GRIN2A: variants seen among roughly 807,000 people sequenced by gnomAD.
GRIN2A encodes the protein glutamate ionotropic receptor NMDA type subunit 2A, also known as glutamate receptor ionotropic, NMDA 2A.
A neutral mutation model predicts 113.4 loss-of-function variants in GRIN2A; 22 were observed. The observed-to-expected ratio is 0.19, with a 90% CI of 0.14 to 0.28. The LOEUF (loss-of-function observed/expected upper bound fraction) is 0.28. GRIN2A is among the 10% of genes least tolerant of loss of function. The pLI is 1.00. For synonymous variants in GRIN2A, 827 were observed against 738.4 expected, an observed-to-expected ratio of 1.12 and a Z score of -1.94; for missense variants, 1,502 against 1,887.0, an observed-to-expected ratio of 0.80 and a Z score of 3.78.
chr16:9,840,461 A>C (rs2042653669), intron 7 of GRIN2A, among the ~76,000 whole-genome samples, 186 bp downstream of exon 7: 1 of 152,122 alleles, frequency 6.6e-6, no homozygotes, highest in Admixed American at 6.5e-5. Flanking sequence ...ACAATTCAAG[A>C]TGAAATTTGG....
intron 4 of GRIN2A, among the ~76,000 whole-genome samples, chr16:9,879,781 A>G (rs1440289561): frequency 6.6e-6 from 1 of 152,216 alleles, no homozygotes; most frequent in East Asian, 1.9e-4. Flanking sequence ...TCTGTATTAC[A>G]GTCCTGATAT....
In GRIN2A at chr16:9,784,468, A is replaced by AAAAC. The variant is rs779509245; in HGVS notation, c.2356+13808_2356+13809insGTTT. Among the ~76,000 whole-genome samples the AAAAC allele has an allele frequency of 8.3e-3, 1,240 of 149,964 alleles. 16 individuals carry two copies. Among genetic ancestry groups the AAAAC allele is most frequent in the African/African-American group, 0.029 (1,183 of 40,462 alleles). Reference sequence around the variant, plus strand: ...AAAAAAAAAAACAAACAAACAAAAAACCTAAAACCATAAAAACCCTAGAAG... The same window carrying AAAAC: ...AAAAAAAAAAACAAACAAACAAAAAAAAACCCTAAAACCATAAAAACCCTAGAAG... On this transcript the variant is annotated intron_variant, in intron 11 of 12. Coordinates refer to ENST00000330684, the MANE Select transcript of GRIN2A (RefSeq NM_001134407.3).
In GRIN2A at chr16:9,761,669, G is replaced by A; in HGVS notation, c.*1480C>T. 4.4e-6 allele frequency: 1 copy of A among 227,684 alleles called. No individual in the cohort carries two copies. The highest frequency in any genetic ancestry group is 6.3e-5 in the East Asian group (1 of 15,832). The allele number at this position is 227,684 out of a possible 1,614,324, so 14.1% of individuals were successfully genotyped here. A position where few individuals can be genotyped will look rare whatever the true frequency, so the allele number is the denominator to read the frequency against. ...CACTTGTTTTTGTGGCAGGCACTGT[G>A]CTAACAGGCTCCCCATGCATAAGTA... On this transcript the variant is annotated 3_prime_UTR_variant, in exon 13 of 13. Transcript: ENST00000330684.
intron 2 of GRIN2A, among the ~76,000 whole-genome samples, chr16:10,111,098 G>A (rs2048604608): frequency 6.6e-6 from 1 of 152,190 alleles, no homozygotes; most frequent in Admixed American, 6.5e-5. Context: ...ACAGTTTGGA[G>A]GCTTTCAAGG....
At chr16:10,073,432 A>C (rs1023195705) in intron 2 of GRIN2A, among the ~76,000 whole-genome samples, 63 of 152,282 alleles carry the variant, frequency 4.1e-4, no homozygotes, top group African/African-American at 1.3e-3. Context: ...TTCTGAAGCC[A>C]GGGGAGGTAG....
chr16:10,150,735 C>T (rs2049551430), intron 2 of GRIN2A, among the ~76,000 whole-genome samples: 3 of 152,044 alleles, frequency 2.0e-5, no homozygotes, highest in South Asian at 2.1e-4. Context: ...CTTAAATACT[C>T]CACCTTTATC....
intron 4 of GRIN2A, among the ~76,000 whole-genome samples, chr16:9,868,309 C>T (rs576231354): frequency 6.6e-6 from 1 of 152,102 alleles, no homozygotes; most frequent in Non-Finnish European, 1.5e-5. Context: ...ATTCTGTCTC[C>T]CACGCTGGAT....
intron 2 of GRIN2A, among the ~76,000 whole-genome samples, chr16:9,969,196 C>T (rs1056437180): frequency 6.6e-6 from 1 of 152,126 alleles, no homozygotes; most frequent in East Asian, 1.9e-4. Flanking sequence ...GTGATCTCCT[C>T]GTCCCATGGT....
chr16:10,179,893 C>CCCCAAACA, intron 2 of GRIN2A, 105 bp downstream of exon 2: 10 of 719,806 alleles, frequency 1.4e-5, no homozygotes, highest in East Asian at 3.6e-5. Flanking sequence ...CCCCCACCCC[C>CCCCAAACA]ACTTCACATC....
chr16:10,000,141 T>C (rs1340390930), intron 2 of GRIN2A, among the ~76,000 whole-genome samples: 2 of 152,158 alleles, frequency 1.3e-5, no homozygotes, highest in African/African-American at 4.8e-5. Context: ...TACACTGGGT[T>C]GACCTGAATA....
Position 10,060,974 on chromosome 16 carries a change from T to G in GRIN2A, c.414+119024A>C, listed in dbSNP as rs916859988. Among the ~76,000 whole-genome samples, 7 of 152,246 alleles carry G rather than the reference T, an allele frequency of 4.6e-5. No homozygotes were observed. In the South Asian group the frequency reaches 1.2e-3, roughly 27 times the overall value. On this transcript the variant is annotated intron_variant, in intron 2 of 12. Coordinates refer to ENST00000330684, the MANE Select transcript of GRIN2A (RefSeq NM_001134407.3). ...CAATGTCGGTTCTCCTTTTCCTTTT[T>G]AGAACTCCAGTTTAATTCAGAAACA...
At chr16:10,025,385 C>G (rs2046801739) in intron 2 of GRIN2A, among the ~76,000 whole-genome samples, 1 of 147,396 alleles carries the variant, frequency 6.8e-6, no homozygotes, top group Non-Finnish European at 1.5e-5. Flanking sequence ...TCACAGCAGC[C>G]TCGACCTCCT....
At chr16:10,037,982 C>T (rs999328413) in intron 2 of GRIN2A, among the ~76,000 whole-genome samples, 5 of 152,334 alleles carry the variant, frequency 3.3e-5, no homozygotes, top group African/African-American at 1.2e-4. Context: ...CAGCTGTCTG[C>T]AGCTCCTCCC....
chr16:9,797,802 C>T (rs1903094017), intron 11 of GRIN2A, among the ~76,000 whole-genome samples: 1 of 152,146 alleles, frequency 6.6e-6, no homozygotes, highest in African/African-American at 2.4e-5. Context: ...GTCCTGGACC[C>T]TGTAAGGTGT....
chr16:9,891,497 T>C (rs1239171156), intron 3 of GRIN2A, among the ~76,000 whole-genome samples: 1 of 152,238 alleles, frequency 6.6e-6, no homozygotes, highest in Admixed American at 6.5e-5. Context: ...TCAACTAATA[T>C]ATATGAAGCA....
At chr16:9,807,404 G>C (rs2042002864) in intron 10 of GRIN2A, among the ~76,000 whole-genome samples, 1 of 122,922 alleles carries the variant, frequency 8.1e-6, no homozygotes, top group African/African-American at 3.2e-5. Flanking sequence ...GAGGGAGGGA[G>C]GGAGAGAAAG....
chr16:10,088,149 C>T (rs926289785), intron 2 of GRIN2A, among the ~76,000 whole-genome samples: 4 of 152,150 alleles, frequency 2.6e-5, no homozygotes, highest in Non-Finnish European at 1.5e-5. Flanking sequence ...GAGAAACGCA[C>T]ATTTGGACAC....
chr16:9,899,500 G>A (rs1240584580), intron 3 of GRIN2A, among the ~76,000 whole-genome samples: 1 of 134,156 alleles, frequency 7.5e-6, no homozygotes, highest in Non-Finnish European at 1.6e-5. Flanking sequence ...CCAACACAGA[G>A]ATACTCTAAA....
chr16:10,027,019 A>G (rs1359178766), intron 2 of GRIN2A, among the ~76,000 whole-genome samples: 1 of 152,052 alleles, frequency 6.6e-6, no homozygotes, highest in Non-Finnish European at 1.5e-5. Context: ...CCTTTCCCTA[A>G]TCCACTTTTT....
Sources: gnomAD v4.1 joint callset for allele counts (sites outside exome capture counted in the v4.1 genomes callset) on GRCh38, gnomAD v4.1.1 for gene constraint, MANE v1.5 for transcripts, NCBI Gene and HGNC (gene_info 2026-07-23, HGNC 2026-07-21) for gene names.